The following DHCR7 variants were observed in gnomAD, a reference collection of about 807,000 sequenced individuals.
DHCR7 encodes the protein 7-DHC reductase.
In DHCR7, 40 loss-of-function variants were observed where a neutral mutation model predicts 43.3. The observed-to-expected ratio is 0.92, with a 90% CI of 0.72 to 1.20. The LOEUF is 1.20. Ranked by LOEUF, DHCR7 falls within the 50% of genes most tolerant of loss-of-function variation. The pLI is 0.00. For missense variants in DHCR7, 608 were observed against 644.6 expected (o/e 0.94, Z 0.62); for synonymous variants, 298 against 271.4 (o/e 1.10, Z -0.96).
exon 3 of DHCR7, chr11:71,428,701 G>A (rs1221120696): frequency 2.6e-6 from 1 of 378,152 alleles, no homozygotes; most frequent in Non-Finnish European, 5.2e-6. Flanking sequence ...CCTCCCTGCA[G>A]CTCCCTGCAG....
intron 6 of DHCR7, 31 bp downstream of exon 6, chr11:71,441,196 C>G: frequency 1.3e-5 from 21 of 1,608,646 alleles, no homozygotes; most frequent in Non-Finnish European, 1.8e-5. Flanking sequence ...GCACTTTCTA[C>G]ATCAGGCTGG....
chr11:71,427,292 G>A (rs1949204863), downstream of DHCR7, among the ~76,000 whole-genome samples: 1 of 152,026 alleles, frequency 6.6e-6, no homozygotes, highest in Admixed American at 6.6e-5. Flanking sequence ...ATATGTAAAC[G>A]TGGCACACCC....
chr11:71,440,049 G>T (rs1201953415), intron 6 of DHCR7, among the ~76,000 whole-genome samples: 1 of 152,206 alleles, frequency 6.6e-6, no homozygotes, highest in Non-Finnish European at 1.5e-5. Context: ...CAGGGTGAGT[G>T]GGTGGAAGGA....
intron 2 of DHCR7, among the ~76,000 whole-genome samples, chr11:71,429,279 G>A (rs1337682288): frequency 6.6e-6 from 1 of 152,190 alleles, no homozygotes; most frequent in Non-Finnish European, 1.5e-5. Flanking sequence ...GGCGGCTGAG[G>A]CCCTCAGAAC....
chr11:71,441,552 C>T, intron 5 of DHCR7, 112 bp from the exon 6 acceptor site: 1 of 923,084 alleles, frequency 1.1e-6, no homozygotes, highest in Non-Finnish European at 1.7e-6. Context: ...GCCTCTGCTG[C>T]TGCGGACCCT....
At chr11:71,447,961 G>A (rs1295793486) in intron 1 of DHCR7, 2 of 153,002 alleles carry the variant, frequency 1.3e-5, no homozygotes, top group South Asian at 4.1e-4. Flanking sequence ...TGGGGCAGGA[G>A]AAAGAGCCGC....
chr11:71,428,776 C>A, exon 3 of DHCR7: 1 of 454,428 alleles, frequency 2.2e-6, no homozygotes, highest in Non-Finnish European at 4.4e-6. Flanking sequence ...TGCTGCCCTC[C>A]CCAGGGTCAT....
intron 4 of DHCR7, among the ~76,000 whole-genome samples, chr11:71,443,167 A>G (rs1292184474): frequency 2.6e-5 from 4 of 152,210 alleles, no homozygotes; most frequent in African/African-American, 4.8e-5. Flanking sequence ...CAGTGGGCAC[A>G]GTGTTCTGTT....
rs192515838 is a variant in DHCR7 at position 71,445,959 on chromosome 11, C to T, written c.-6-1001G>A. On this transcript the variant is annotated intron_variant, in intron 2 of 8. Transcript: ENST00000355527. The stretch of plus-strand genomic sequence containing the variant: ...AAACTTTTTGCAACCTAGAATTCTA[C>T]TCCTATGTGAACTATTACTCAAGGA... Among the ~76,000 whole-genome samples the T allele has an allele frequency of 4.1e-3, 630 of 152,246 alleles. 1 individual carries two copies. The highest frequency in any genetic ancestry group is 6.4e-3 in the Non-Finnish European group (434 of 68,022).
chr11:71,443,802 A>G (rs546439671), intron 4 of DHCR7, among the ~76,000 whole-genome samples, 191 bp downstream of exon 4: 13 of 152,264 alleles, frequency 8.5e-5, no homozygotes, highest in African/African-American at 2.6e-4. Flanking sequence ...CTGATGTGAC[A>G]GGTGCCTCCT....
intron 2 of DHCR7, among the ~76,000 whole-genome samples, chr11:71,429,268 G>A (rs570886957): frequency 1.3e-5 from 2 of 152,242 alleles, no homozygotes; most frequent in Admixed American, 6.5e-5. Context: ...ACAGTCCACA[G>A]GGCGGCTGAG....
At chr11:71,435,862 T>TCA in intron 8 of DHCR7, 23 bp from the exon 9 acceptor site, 2 of 1,580,902 alleles carry the variant, frequency 1.3e-6, no homozygotes, top group Non-Finnish European at 1.7e-6. Flanking sequence ...GGGGAAGGGG[T>TCA]CAAGCGGTGC....
chr11:71,445,904 CAAT>C (rs1449446226), intron 2 of DHCR7, among the ~76,000 whole-genome samples: 1 of 152,156 alleles, frequency 6.6e-6, no homozygotes, highest in Admixed American at 6.5e-5. Flanking sequence ...TTCTAGAAGA[CAAT>C]GATGAAAAAC....
chr11:71,447,078 C>A (rs1420380183), intron 2 of DHCR7, among the ~76,000 whole-genome samples: 1 of 152,220 alleles, frequency 6.6e-6, no homozygotes, highest in African/African-American at 2.4e-5. Context: ...CCTCCGATCC[C>A]TAGTTCCCAC....
Position 71,442,319 on chromosome 11 carries a change from TG to T in DHCR7, c.355del (p.His119IlefsTer8), listed in dbSNP as rs747827699. 8.7e-6 allele frequency: 14 copies of T among 1,613,796 alleles called. No individual in the cohort carries two copies. Among genetic ancestry groups the T allele is most frequent in the African/African-American group, 1.3e-5 (1 of 74,870 alleles). ...LLYTSLPDFC[H>X]KFLPGYVGGI... ...TCCTACGTAGCCGGGTAGAAACTTA[TG>T]GCAGAAGTCAGGGAGAGACGTGTAC... On this transcript the variant is annotated frameshift_variant, in exon 5 of 9. Coordinates refer to ENST00000355527, the MANE Select transcript of DHCR7 (RefSeq NM_001360.3). LOFTEE classifies it high-confidence loss of function.
At chr11:71,435,866 G>C in intron 8 of DHCR7, 27 bp from the exon 9 acceptor site, 1 of 1,574,674 alleles carries the variant, frequency 6.4e-7, no homozygotes, top group African/African-American at 1.3e-5. Context: ...AAGGGGTCAA[G>C]CGGTGCTTTG....
rs759538408 is a variant in DHCR7 at position 71,441,361 on chromosome 11, G to C, written c.492C>G (p.Leu164=). Residue 164 remains leucine, a synonymous_variant, in exon 6 of 9, where the codon CTC becomes CTG. Coordinates refer to ENST00000355527, the MANE Select transcript of DHCR7 (RefSeq NM_001360.3). ...THLLWFANAH[L]LSWFSPTIIF... is the part of the protein sequence containing the mutation. ...TGATGGTGGGCGAGAACCAGGACAG[G>C]AGATGAGCGTTTGCAAACCAGAGCA... 18 of 1,614,120 alleles carry C rather than the reference G, an allele frequency of 1.1e-5. 1 individual carries two copies. In the South Asian group the frequency reaches 2.0e-4, roughly 18 times the overall value.
At chr11:71,443,401 C>T (rs1277418377) in intron 4 of DHCR7, among the ~76,000 whole-genome samples, 2 of 152,194 alleles carry the variant, frequency 1.3e-5, no homozygotes, top group Non-Finnish European at 2.9e-5. Context: ...TTTCTAGCAC[C>T]GTTTCCCTGG....
rs563789205 is a variant in DHCR7, at chr11:71,440,498, T to C, written c.626+729A>G. 3.1e-5 allele frequency among the ~76,000 whole-genome samples: 4 copies of C among 131,086 alleles called. No individual in the cohort carries two copies. In the East Asian group the frequency reaches 8.8e-4, roughly 29 times the overall value. 86.0% of individuals were successfully genotyped at this position (131,086 alleles called of 152,430 possible). A position where few individuals can be genotyped will look rare whatever the true frequency, so the allele number is the denominator to read the frequency against. On this transcript the variant is annotated intron_variant, in intron 6 of 8. Transcript: ENST00000355527. ...ATGGGTGGGTGGGTAGGTGGAAGGA[T>C]GGGGAGATGGGCAGGTGGATGGGTG...
Sources: allele counts gnomAD v4.1 joint callset (sites outside exome capture counted in the v4.1 genomes callset), GRCh38; gene constraint gnomAD v4.1.1; transcripts MANE v1.5; gene names NCBI Gene and HGNC (gene_info 2026-07-23, HGNC 2026-07-21).